Variants in HAAO observed in about 807,000 individuals in gnomAD.
HAAO encodes the protein 3-hydroxyanthranilate oxygenase.
Under a neutral mutation model 46.2 loss-of-function variants are expected in HAAO, and 49 were observed. The observed-to-expected ratio is 1.06, with a 90% CI of 0.84 to 1.34. The LOEUF (loss-of-function observed/expected upper bound fraction) is 1.34, where lower values mean the gene tolerates loss of function less well. HAAO is among the 40% of genes most tolerant of loss of function. The pLI is 0.00. For missense variants in HAAO, 408 were observed against 364.5 expected, an observed-to-expected ratio of 1.12 and a Z score of -0.97; for synonymous variants, 157 against 145.2, an observed-to-expected ratio of 1.08 and a Z score of -0.58.
chr2:42,776,800 T>C (rs1255073211), intron 4 of HAAO, among the ~76,000 whole-genome samples: 3 of 151,160 alleles, frequency 2.0e-5, no homozygotes, highest in Non-Finnish European at 4.4e-5. Context: ...CCCAGCTAAT[T>C]TTTTTGTATT....
rs868340050 is a variant in HAAO at position 42,767,642 on chromosome 2, G to A, written c.735C>T (p.Arg245=). The A allele has an allele frequency of 1.3e-6, 2 of 1,569,800 alleles. No homozygotes were observed. The highest frequency in any genetic ancestry group is 1.9e-5 in the Admixed American group (1 of 52,812). Residue 245 remains arginine, a synonymous_variant, in exon 9 of 10, where the codon CGC becomes CGT. Coordinates refer to ENST00000294973, the MANE Select transcript of HAAO (RefSeq NM_012205.3). ...GGCTGTCATCAGGGGCCAGGCTCAG[G>A]CGCCGTCCCCCCATTGTCACCACCG... The part of the protein sequence containing the change: ...GSSVVTMGGR[R]LSLAPDDSLL...
At chr2:42,785,079 T>G (rs1672292123) in intron 2 of HAAO, among the ~76,000 whole-genome samples, 1 of 152,242 alleles carries the variant, frequency 6.6e-6, no homozygotes, top group Non-Finnish European at 1.5e-5. Context: ...CAGGGTGCTG[T>G]GTGCCCTTGG....
intron 6 of HAAO, 63 bp downstream of exon 6, chr2:42,770,080 A>G: frequency 6.6e-7 from 1 of 1,506,676 alleles, no homozygotes; most frequent in South Asian, 1.2e-5. Context: ...CCCCTGGACC[A>G]AAACCCATCC....
chr2:42,773,391 C>G (rs888156377), intron 4 of HAAO, among the ~76,000 whole-genome samples: 2 of 151,858 alleles, frequency 1.3e-5, no homozygotes, highest in East Asian at 3.9e-4. Flanking sequence ...GGCCGTGATT[C>G]TAAATTCTGG....
chr2:42,770,654 G>A, intron 4 of HAAO, 72 bp from the exon 5 acceptor site: 3 of 926,398 alleles, frequency 3.2e-6, no homozygotes, highest in Non-Finnish European at 4.9e-6. Flanking sequence ...ACTCAGGCCT[G>A]GCTCTGCTTG....
In HAAO at chr2:42,779,556, G is replaced by A. The variant is rs182448391; in HGVS notation, c.350+3758C>T. ...AGGCTGGTCTTGAACTCTTGACCTCGTGATCCCCCCACCTCGGCCTTCCAA... is the reference window on the plus strand; with the variant it reads ...AGGCTGGTCTTGAACTCTTGACCTCATGATCCCCCCACCTCGGCCTTCCAA... On this transcript the variant is annotated intron_variant, in intron 4 of 9. Coordinates refer to ENST00000294973, the MANE Select transcript of HAAO (RefSeq NM_012205.3). 3.3e-5 allele frequency among the ~76,000 whole-genome samples: 5 copies of A among 152,240 alleles called. No homozygotes were observed. The East Asian group carries it at 7.7e-4, about 24-fold the overall frequency.
intron 4 of HAAO, among the ~76,000 whole-genome samples, chr2:42,777,357 C>T (rs1367063397): frequency 7.0e-6 from 1 of 143,086 alleles, no homozygotes; most frequent in Non-Finnish European, 1.5e-5. Context: ...ATGTGAAAGT[C>T]TAAGATAGGA....
chr2:42,770,902 C>T (rs1017477159), intron 4 of HAAO, among the ~76,000 whole-genome samples: 1 of 152,244 alleles, frequency 6.6e-6, no homozygotes, highest in African/African-American at 2.4e-5. Context: ...CCAAGGATTA[C>T]ACAGCCTGTA....
intron 1 of HAAO, among the ~76,000 whole-genome samples, chr2:42,788,830 T>C (rs1011603327): frequency 6.6e-6 from 1 of 152,220 alleles, no homozygotes; most frequent in South Asian, 2.1e-4. Context: ...TCTGTCATTG[T>C]TTGTGTGTCC....
intron 4 of HAAO, among the ~76,000 whole-genome samples, chr2:42,772,042 C>T (rs959529597): frequency 4.6e-5 from 7 of 152,188 alleles, no homozygotes; most frequent in Non-Finnish European, 1.0e-4. Context: ...TTGAGGACAC[C>T]ATCCTCTCCA....
chr2:42,784,993 A>G (rs1672287147), intron 2 of HAAO, among the ~76,000 whole-genome samples: 1 of 152,254 alleles, frequency 6.6e-6, no homozygotes, highest in Admixed American at 6.5e-5. Context: ...TCAGTTCATC[A>G]GAGACATACC....
At chr2:42,789,429 G>T (rs1469855415) in intron 1 of HAAO, among the ~76,000 whole-genome samples, 14 of 152,146 alleles carry the variant, frequency 9.2e-5, no homozygotes, top group Admixed American at 9.2e-4. Context: ...AATTAGCCAG[G>T]CCTGGTGGTG....
intron 4 of HAAO, among the ~76,000 whole-genome samples, chr2:42,778,947 C>G (rs1350810158): frequency 6.6e-6 from 1 of 152,010 alleles, no homozygotes; most frequent in African/African-American, 2.4e-5. Flanking sequence ...AACCTTGTCT[C>G]TACTAGAAAT....
At chr2:42,780,075 A>C (rs1220558968) in intron 4 of HAAO, among the ~76,000 whole-genome samples, 2 of 152,176 alleles carry the variant, frequency 1.3e-5, no homozygotes, top group Non-Finnish European at 2.9e-5. Context: ...AGAGGTAACA[A>C]ATTTCCTTGC....
At chr2:42,788,730 C>T (rs1451660567) in intron 1 of HAAO, 123 bp from the exon 2 acceptor site, 4 of 710,536 alleles carry the variant, frequency 5.6e-6, no homozygotes, top group Admixed American at 2.0e-5. Flanking sequence ...CTGTTTTGGC[C>T]TCACTGTCCC....
intron 4 of HAAO, 59 bp downstream of exon 4, chr2:42,783,255 G>A: frequency 9.8e-7 from 1 of 1,018,854 alleles, no homozygotes; most frequent in Non-Finnish European, 1.5e-6. Flanking sequence ...CTGCAGTTTG[G>A]AGCTGTGCTC....
chr2:42,788,762 G>A (rs3816185), intron 1 of HAAO, among the ~76,000 whole-genome samples, 155 bp from the exon 2 acceptor site: 121,012 of 152,180 alleles, frequency 0.8, 48,457 homozygotes, highest in Middle Eastern at 0.93. Flanking sequence ...TCTCATCCCC[G>A]GTTCATGCCT....
intron 4 of HAAO, among the ~76,000 whole-genome samples, chr2:42,775,348 G>A (rs192080979): frequency 1.3e-5 from 2 of 152,036 alleles, no homozygotes; most frequent in South Asian, 2.1e-4. Context: ...GACTGCTAAG[G>A]GGCTTGATTT....
intron 2 of HAAO, among the ~76,000 whole-genome samples, chr2:42,784,327 G>C (rs1672234265): frequency 6.6e-6 from 1 of 152,126 alleles, no homozygotes; most frequent in Non-Finnish European, 1.5e-5. Context: ...TAAAACAGCT[G>C]GCCTAAGGTC....
Sources: allele counts gnomAD v4.1 joint callset (sites outside exome capture counted in the v4.1 genomes callset), GRCh38; gene constraint gnomAD v4.1.1; transcripts MANE v1.5; gene names NCBI Gene and HGNC (gene_info 2026-07-23, HGNC 2026-07-21).